PDE3A: variants seen among roughly 807,000 people sequenced by gnomAD.
PDE3A encodes the protein cGMP-inhibited 3',5'-cyclic phosphodiesterase 3A.
Under a neutral mutation model 98.3 loss-of-function variants are expected in PDE3A, and 43 were observed. The observed-to-expected ratio is 0.44, with a 90% CI of 0.34 to 0.56. The LOEUF (loss-of-function observed/expected upper bound fraction) is 0.56. Among genes scored for constraint, PDE3A ranks in the 20% least tolerant of loss-of-function variants. PDE3A has a pLI of 0.01. For synonymous variants in PDE3A, 663 were observed against 567.9 expected, an observed-to-expected ratio of 1.17 and a Z score of -2.38; for missense variants, 1,427 against 1,440.7, an observed-to-expected ratio of 0.99 and a Z score of 0.15.
At chr12:20,584,688 T>C (rs992557132) in intron 2 of PDE3A, among the ~76,000 whole-genome samples, 1 of 152,188 alleles carries the variant, frequency 6.6e-6, no homozygotes, top group Non-Finnish European at 1.5e-5. Context: ...GAATTTGAGA[T>C]GTTTTATTTT....
chr12:20,639,208 A>C (rs1204892479), intron 9 of PDE3A, among the ~76,000 whole-genome samples: 1 of 152,098 alleles, frequency 6.6e-6, no homozygotes, highest in African/African-American at 2.4e-5. Context: ...AATTTGACCA[A>C]AATTGCTACA....
chr12:20,390,078 G>C (rs1943885053), intron 1 of PDE3A, among the ~76,000 whole-genome samples: 3 of 151,908 alleles, frequency 2.0e-5, no homozygotes. Flanking sequence ...GTGCATACTG[G>C]GTTGTGGAAA....
Position 20,633,768 on chromosome 12 carries a change from A to G in PDE3A, c.1836A>G (p.Pro612=). The change falls in exon 7 of 16, where the codon CCA becomes CCG. Residue 612 remains proline (P), a synonymous_variant. Transcript: ENST00000359062. ...LERSGVATRT[P]SRTDDTAQVT... is the part of the protein sequence containing the mutation. ...GAAGTGGGGTAGCCACTCGGACACCAAGTAGAACAGGTAATTCATTGTTTT... is the reference window on the plus strand; with the variant it reads ...GAAGTGGGGTAGCCACTCGGACACCGAGTAGAACAGGTAATTCATTGTTTT... 6.3e-7 allele frequency: 1 copy of G among 1,588,144 alleles called. No individual in the cohort carries two copies. Among genetic ancestry groups the G allele is most frequent in the Non-Finnish European group, 8.6e-7 (1 of 1,160,274 alleles).
intron 1 of PDE3A, among the ~76,000 whole-genome samples, chr12:20,399,876 G>T (rs1349542489): frequency 1.3e-5 from 2 of 152,138 alleles, no homozygotes; most frequent in East Asian, 3.9e-4. Context: ...TTTGAACATT[G>T]CTTTAAGCAA....
Position 20,398,051 on chromosome 12 carries a change from G to GTT in PDE3A, c.960+27816_960+27817dup, listed in dbSNP as rs57766880. Among the ~76,000 whole-genome samples the GTT allele has an allele frequency of 6.7e-3, 924 of 137,472 alleles. 9 individuals are homozygous for GTT. Among genetic ancestry groups the GTT allele is most frequent in the African/African-American group, 0.021 (793 of 37,592 alleles). The allele number at this position is 137,472 out of a possible 152,430, so 90.2% of individuals were successfully genotyped here. On this transcript the variant is annotated intron_variant, in intron 1 of 15. Coordinates refer to ENST00000359062, the MANE Select transcript of PDE3A (RefSeq NM_000921.5). ...TGAGAATGACAGGTTTTTTTTTTTT[G>GTT]TTTTTTTTTTCGGGAGTACTGGCAA...
At chr12:20,505,667 G>A (rs1461446700) in intron 1 of PDE3A, among the ~76,000 whole-genome samples, 2 of 152,096 alleles carry the variant, frequency 1.3e-5, no homozygotes, top group Non-Finnish European at 2.9e-5. Flanking sequence ...TTGAATGGCA[G>A]TGTTAGTCCA....
intron 1 of PDE3A, among the ~76,000 whole-genome samples, chr12:20,386,124 T>TATATATAAAAA (rs1565532575): frequency 5.5e-4 from 10 of 18,224 alleles, no homozygotes; most frequent in African/African-American, 1.3e-3. Context: ...TATATATAAA[T>TATATATAAAAA]ATATATAAAT....
chr12:20,449,996 A>G, intron 1 of PDE3A: 1 of 698,118 alleles, frequency 1.4e-6, no homozygotes, highest in Non-Finnish European at 2.6e-6. Context: ...TGCCAAGTCA[A>G]TAAATTAGCT....
At chr12:20,481,454 G>A (rs981769758) in intron 1 of PDE3A, among the ~76,000 whole-genome samples, 3 of 148,792 alleles carry the variant, frequency 2.0e-5, no homozygotes, top group African/African-American at 5.2e-5. Context: ...ATTTACTGAC[G>A]TTGTTGTTGT....
intron 15 of PDE3A, among the ~76,000 whole-genome samples, chr12:20,663,210 C>G (rs1046152546): frequency 2.6e-5 from 4 of 152,216 alleles, no homozygotes; most frequent in Non-Finnish European, 4.4e-5. Flanking sequence ...CCTGGATGTC[C>G]TGGCAGAAGT....
At chr12:20,422,287 T>C (rs1944530911) in intron 1 of PDE3A, among the ~76,000 whole-genome samples, 3 of 151,372 alleles carry the variant, frequency 2.0e-5, no homozygotes, top group South Asian at 4.2e-4. Context: ...GAGCTTGCAG[T>C]GAGCCAAGAT....
intron 2 of PDE3A, among the ~76,000 whole-genome samples, chr12:20,583,878 A>T (rs995368949): frequency 2.0e-5 from 3 of 152,220 alleles, no homozygotes; most frequent in African/African-American, 7.2e-5. Context: ...TGTTAATTCT[A>T]TTATAGAACA....
intron 1 of PDE3A, among the ~76,000 whole-genome samples, chr12:20,398,583 C>T (rs183208406): frequency 2.0e-5 from 3 of 151,960 alleles, no homozygotes; most frequent in East Asian, 3.9e-4. Flanking sequence ...AATGATATAG[C>T]CTAATAAGAG....
chr12:20,417,314 C>G (rs1944437065), intron 1 of PDE3A, among the ~76,000 whole-genome samples: 1 of 152,106 alleles, frequency 6.6e-6, no homozygotes, highest in Non-Finnish European at 1.5e-5. Context: ...GATATAATTT[C>G]CTTTTTTGTT....
intron 1 of PDE3A, 115 bp downstream of exon 1, chr12:20,370,359 G>T: frequency 1.2e-6 from 1 of 809,770 alleles, no homozygotes; most frequent in Non-Finnish European, 1.7e-6. Context: ...CTAGAAAACT[G>T]GTCTAACTTC....
intron 1 of PDE3A, among the ~76,000 whole-genome samples, chr12:20,536,287 G>A (rs1452143291): frequency 6.6e-6 from 1 of 151,772 alleles, no homozygotes; most frequent in Admixed American, 6.6e-5. Context: ...ATTTAAATAG[G>A]GATGACAAGA....
In PDE3A at chr12:20,610,214, C is replaced by A. The variant is rs183048515; in HGVS notation, c.1012-3229C>A. On this transcript the variant is annotated intron_variant, in intron 2 of 15. Transcript: ENST00000359062. The stretch of plus-strand genomic sequence containing the variant: ...TATAACACAATAGGGGAAAAATAAC[C>A]TGATTAAAAAGTGGGCAAAGGACAT... Among the ~76,000 whole-genome samples the A allele has an allele frequency of 9.2e-5, 14 of 151,838 alleles. No homozygotes were observed. In the East Asian group the frequency reaches 9.7e-4, roughly 10 times the overall value.
chr12:20,642,361 A>G (rs1944664355), intron 10 of PDE3A, among the ~76,000 whole-genome samples: 1 of 152,176 alleles, frequency 6.6e-6, no homozygotes. Context: ...GACAAGAAAT[A>G]TGGTCAACTC....
Position 20,369,959 on chromosome 12 carries a change from C to T in PDE3A, c.675C>T (p.Ser225=), listed in dbSNP as rs1311645232. Residue 225 remains serine (S), a synonymous_variant, in exon 1 of 16, where the codon TCC becomes TCT. Coordinates refer to ENST00000359062, the MANE Select transcript of PDE3A (RefSeq NM_000921.5). ...TGACTAGCGCGGTCAGGACCGTGTC[C>T]CTCATTTCCTTAGAGAGGTTCAAGG... ...IALTSAVRTV[S]LISLERFKVA... is the part of the protein sequence containing the mutation. 1.9e-6 allele frequency: 3 copies of T among 1,613,352 alleles called. No individual in the cohort carries two copies. The highest frequency in any genetic ancestry group is 1.3e-5 in the African/African-American group (1 of 74,916).
Sources: allele counts gnomAD v4.1 joint callset (sites outside exome capture counted in the v4.1 genomes callset), GRCh38; gene constraint gnomAD v4.1.1; transcripts MANE v1.5; gene names NCBI Gene and HGNC (gene_info 2026-07-23, HGNC 2026-07-21).